The following SPATA16 variants were observed in gnomAD, a reference collection of about 807,000 sequenced individuals.
SPATA16 encodes the protein spermatogenesis-associated protein 16.
Under a neutral mutation model 63.3 loss-of-function variants are expected in SPATA16, and 36 were observed. That is an observed-to-expected ratio of 0.57 (90% CI 0.44 to 0.75). The LOEUF is 0.75. SPATA16 is among the 30% of genes least tolerant of loss of function. The pLI, the probability that SPATA16 is intolerant of heterozygous loss-of-function variation, is 0.00. For missense variants in SPATA16, 646 were observed against 679.3 expected, an observed-to-expected ratio of 0.95 and a Z score of 0.54; for synonymous variants, 203 against 216.7, an observed-to-expected ratio of 0.94 and a Z score of 0.56.
chr3:172,930,804 G>A (rs1732854594), intron 6 of SPATA16, among the ~76,000 whole-genome samples: 1 of 151,288 alleles, frequency 6.6e-6, no homozygotes, highest in African/African-American at 2.4e-5. Context: ...CACCCGCCTT[G>A]GCCTCCCAAA....
intron 1 of SPATA16, among the ~76,000 whole-genome samples, chr3:173,129,423 T>C (rs1738311519): frequency 6.6e-6 from 1 of 152,170 alleles, no homozygotes; most frequent in Admixed American, 6.5e-5. Context: ...CTCATAGAGA[T>C]GATTGAAAGA....
chr3:172,898,847 G>A (rs1387716768), intron 10 of SPATA16, among the ~76,000 whole-genome samples: 1 of 151,458 alleles, frequency 6.6e-6, no homozygotes, highest in African/African-American at 2.4e-5. Flanking sequence ...TATGCATTTA[G>A]TGCTATACAT....
chr3:172,977,081 A>C (rs765658120), intron 4 of SPATA16, 29 bp from the exon 5 acceptor site: 2 of 1,572,412 alleles, frequency 1.3e-6, no homozygotes, highest in Non-Finnish European at 8.7e-7. Flanking sequence ...TAAAAAAAAA[A>C]CAAAAACAAA....
At chr3:173,044,607 T>C (rs1200656161) in intron 3 of SPATA16, among the ~76,000 whole-genome samples, 1 of 152,198 alleles carries the variant, frequency 6.6e-6, no homozygotes, top group African/African-American at 2.4e-5. Flanking sequence ...TTCTACATCT[T>C]GAAGTCTATT....
At chr3:172,895,057 A>G (rs1432150545) in intron 10 of SPATA16, among the ~76,000 whole-genome samples, 1 of 152,238 alleles carries the variant, frequency 6.6e-6, no homozygotes, top group African/African-American at 2.4e-5. Flanking sequence ...TATTAAATTA[A>G]ACTTTTGTGT....
At chr3:173,104,094 G>A (rs1012746820) in intron 2 of SPATA16, among the ~76,000 whole-genome samples, 13 of 152,308 alleles carry the variant, frequency 8.5e-5, no homozygotes, top group Admixed American at 8.5e-4. Context: ...TAACAAGGGT[G>A]ACCTTTGCAC....
At chr3:172,945,538 T>C (rs1499638) in intron 6 of SPATA16, among the ~76,000 whole-genome samples, 13,297 of 152,176 alleles carry the variant, frequency 0.087, 1,942 homozygotes, top group African/African-American at 0.3. Flanking sequence ...TGTCACCCCT[T>C]CCCCATTCCC....
intron 2 of SPATA16, among the ~76,000 whole-genome samples, chr3:173,088,064 TTCTTTCTTTCTTTCTGTCTTTTC>T (rs1737118079): frequency 7.3e-6 from 1 of 136,242 alleles, no homozygotes; most frequent in African/African-American, 2.8e-5. Flanking sequence ...CTTTCTTTCT[TTCTTTCTTTCTTTCTGTCTTTTC>T]TTTTTTTTTT....
At chr3:172,968,417 G>A (rs1295663449) in intron 5 of SPATA16, among the ~76,000 whole-genome samples, 3 of 152,114 alleles carry the variant, frequency 2.0e-5, no homozygotes, top group South Asian at 2.1e-4. Context: ...ACTCATTTTC[G>A]AAAAAAACTG....
intron 10 of SPATA16, among the ~76,000 whole-genome samples, chr3:172,906,069 T>C (rs1209618744): frequency 6.6e-6 from 1 of 152,236 alleles, no homozygotes; most frequent in Non-Finnish European, 1.5e-5. Context: ...TCTTCTTAGT[T>C]GCAGACAGAG....
intron 8 of SPATA16, among the ~76,000 whole-genome samples, 194 bp downstream of exon 8, chr3:172,924,014 T>C (rs987459486): frequency 9.2e-5 from 14 of 152,156 alleles, no homozygotes; most frequent in Admixed American, 7.9e-4. Context: ...TTGCAAAGTG[T>C]AGCATTATAG....
chr3:172,973,303 G>A (rs1734087811), intron 5 of SPATA16, among the ~76,000 whole-genome samples: 1 of 152,092 alleles, frequency 6.6e-6, no homozygotes, highest in Admixed American at 6.6e-5. Flanking sequence ...CTAGGTGGAT[G>A]CTTGTAAATG....
chr3:173,114,753 C>G (rs113696714), intron 2 of SPATA16, among the ~76,000 whole-genome samples: 2,171 of 152,242 alleles, frequency 0.014, 34 homozygotes, highest in Middle Eastern at 0.071. Context: ...TATTCAAAGC[C>G]ATGTTAGGAC....
intron 6 of SPATA16, among the ~76,000 whole-genome samples, chr3:172,945,912 G>C (rs1733273434): frequency 6.6e-6 from 1 of 152,162 alleles, no homozygotes; most frequent in Non-Finnish European, 1.5e-5. Flanking sequence ...AGCTGGGGTG[G>C]CTATGGGAGT....
At chr3:173,028,294 TG>T (rs1458241258) in intron 3 of SPATA16, among the ~76,000 whole-genome samples, 1 of 151,758 alleles carries the variant, frequency 6.6e-6, no homozygotes, top group East Asian at 1.9e-4. Flanking sequence ...CAGCGAATCA[TG>T]ATAACTTTAT....
chr3:172,977,212 T>C (rs948512148), intron 4 of SPATA16, among the ~76,000 whole-genome samples, 160 bp from the exon 5 acceptor site: 12 of 152,142 alleles, frequency 7.9e-5, no homozygotes, highest in African/African-American at 2.9e-4. Flanking sequence ...TTTTAGAGTG[T>C]TGAAAGTAGG....
In SPATA16 at chr3:172,952,938, CAAAAAAA is replaced by C. The variant is rs60404306; in HGVS notation, c.1081+3732_1081+3738del. ...CTGGCAATAGAGTGAGACTCCATCT[CAAAAAAA>C]AAAAAAAAAAAAAAAGAAAACAGTT... On this transcript the variant is annotated intron_variant, in intron 6 of 10. Transcript: ENST00000351008. Among the ~76,000 whole-genome samples the C allele has an allele frequency of 4.1e-3, 316 of 78,000 alleles. 1 individual carries two copies. Among genetic ancestry groups the C allele is most frequent in the Middle Eastern group, 6.3e-3 (1 of 158 alleles). 51.2% of individuals were successfully genotyped at this position (78,000 alleles called of 152,430 possible). A position where few individuals can be genotyped will look rare whatever the true frequency, so the allele number is the denominator to read the frequency against.
At chr3:172,979,155 T>G (rs553465324) in intron 4 of SPATA16, among the ~76,000 whole-genome samples, 3 of 152,014 alleles carry the variant, frequency 2.0e-5, no homozygotes, top group South Asian at 2.1e-4. Context: ...GAGGATGCCG[T>G]GAACCCAGGA....
At chr3:173,063,559 C>G (rs6774686) in intron 2 of SPATA16, among the ~76,000 whole-genome samples, 1,935 of 152,260 alleles carry the variant, frequency 0.013, 43 homozygotes, top group African/African-American at 0.045. Context: ...GCTCACTAGG[C>G]AGGGGAGTTT....
Sources: gnomAD v4.1 joint callset for allele counts (sites outside exome capture counted in the v4.1 genomes callset) on GRCh38, gnomAD v4.1.1 for gene constraint, MANE v1.5 for transcripts, NCBI Gene and HGNC (gene_info 2026-07-23, HGNC 2026-07-21) for gene names.